YJU2B: variants seen among roughly 807,000 people sequenced by gnomAD.
YJU2B encodes YJU2 splicing factor homolog B.
YJU2B carries 18 observed loss-of-function variants against 38.0 expected under a neutral mutation model. The ratio of observed to expected loss-of-function variants is 0.47; its 90% confidence interval spans 0.33 to 0.70. YJU2B has a LOEUF of 0.70. Among genes scored for constraint, YJU2B ranks in the 30% least tolerant of loss-of-function variants. The probability of loss-of-function intolerance (pLI) is 0.02; values close to 1 mark genes in which losing one functional copy is unlikely to be tolerated. For missense variants in YJU2B, 538 were observed against 556.3 expected, an observed-to-expected ratio of 0.97 and a Z score of 0.33; for synonymous variants, 246 against 225.4, an observed-to-expected ratio of 1.09 and a Z score of -0.82.
chr19:13,738,157 G>A (rs187004591), intron 2 of YJU2B, among the ~76,000 whole-genome samples: 66 of 152,294 alleles, frequency 4.3e-4, no homozygotes, highest in Admixed American at 5.9e-4. Flanking sequence ...CCACTAATTA[G>A]TGAAGCATGA....
chr19:13,738,716 C>G (rs921624078), intron 2 of YJU2B, among the ~76,000 whole-genome samples: 3 of 151,940 alleles, frequency 2.0e-5, no homozygotes, highest in African/African-American at 7.3e-5. Context: ...ACGGTGAAAC[C>G]CCGTCTCTAC....
Position 13,751,144 on chromosome 19 carries a change from A to C in YJU2B, c.-201-464A>C, listed in dbSNP as rs140692349. Among the ~76,000 whole-genome samples, 767 of 152,110 alleles carry C rather than the reference A, an allele frequency of 5.0e-3. 6 individuals are homozygous for C. Among genetic ancestry groups the C allele is most frequent in the African/African-American group, 0.018 (736 of 41,528 alleles). On this transcript the variant is annotated intron_variant, in intron 1 of 9. Coordinates refer to ENST00000221554, the MANE Select transcript of YJU2B (RefSeq NM_030818.4). ...TCATATTAAAAGATCCCAGCTGGGCATGGTGGCTCACACCTGTAATGCCAG... is the reference window on the plus strand; with the variant it reads ...TCATATTAAAAGATCCCAGCTGGGCCTGGTGGCTCACACCTGTAATGCCAG...
Position 13,733,862 on chromosome 19 carries a change from TAAAAG to T in YJU2B, c.-202+1579_-202+1583del, listed in dbSNP as rs560390027. Among the ~76,000 whole-genome samples the T allele has an allele frequency of 2.9e-4, 44 of 152,332 alleles. 1 individual carries two copies. In the South Asian group the frequency reaches 8.7e-3, roughly 30 times the overall value. ...GAAACACTGGCCATGAGCCAAGAAT[TAAAAG>T]AGAGAAATCTGTTAGTTTTCACTAA... On this transcript the variant is annotated intron_variant, in intron 2 of 10. Transcript: ENST00000586600.
upstream of YJU2B, among the ~76,000 whole-genome samples, chr19:13,745,824 TG>T (rs567692727): frequency 4.5e-3 from 687 of 151,774 alleles, 7 homozygotes; most frequent in African/African-American, 0.016. Context: ...CCAGTTGAAG[TG>T]TCTGCTTCAT....
chr19:13,750,099 T>G (rs931973053), intron 1 of YJU2B, among the ~76,000 whole-genome samples: 5 of 152,184 alleles, frequency 3.3e-5, no homozygotes, highest in African/African-American at 1.2e-4. Context: ...GGCCTGGCAC[T>G]GTCCTAGGTG....
upstream of YJU2B, among the ~76,000 whole-genome samples, chr19:13,745,717 C>G (rs2419959): frequency 9.0e-6 from 1 of 110,618 alleles, no homozygotes; most frequent in East Asian, 2.6e-4. Flanking sequence ...ATCTATAGAT[C>G]TATAGATATC....
intron 9 of YJU2B, 49 bp from the exon 10 acceptor site, chr19:13,762,541 C>T: frequency 6.5e-7 from 1 of 1,541,300 alleles, no homozygotes; most frequent in Non-Finnish European, 8.7e-7. Context: ...GAGGGCAGTT[C>T]TGGACCCCCT....
At chr19:13,746,246 A>G (rs1484914802), upstream of YJU2B, among the ~76,000 whole-genome samples, 1 of 151,102 alleles carries the variant, frequency 6.6e-6, no homozygotes, top group African/African-American at 2.4e-5. Flanking sequence ...TGAGACTCCG[A>G]CTCAAAAAAA....
rs1973989107 is a variant in YJU2B, at chr19:13,763,174, T to C, written c.*106T>C. The stretch of plus-strand genomic sequence containing the variant: ...GCTCGCCCACCAGCCCTGGGAGAGC[T>C]CAGATGCCGCATCCTCCCCAGACCG... On this transcript the variant is annotated 3_prime_UTR_variant, in exon 10 of 10. Coordinates refer to ENST00000221554, the MANE Select transcript of YJU2B (RefSeq NM_030818.4). 1.1e-6 allele frequency: 1 copy of C among 897,472 alleles called. No homozygotes were observed. Among genetic ancestry groups the C allele is most frequent in the Non-Finnish European group, 1.7e-6 (1 of 601,294 alleles). 55.6% of individuals were successfully genotyped at this position (897,472 alleles called of 1,614,324 possible). A position where few individuals can be genotyped will look rare whatever the true frequency, so the allele number is the denominator to read the frequency against.
In YJU2B at chr19:13,762,943, C is replaced by T. The variant is rs992588151; in HGVS notation, c.1066C>T (p.Arg356Cys). 2 of 1,611,872 alleles carry T rather than the reference C, an allele frequency of 1.2e-6. No individual in the cohort carries two copies. The highest frequency in any genetic ancestry group is 1.7e-6 in the Non-Finnish European group (2 of 1,179,748). Residue 356 changes from arginine (R) to cysteine (C), a missense_variant, in exon 10 of 10, where the codon CGT (arginine) becomes TGT (cysteine). Physicochemically the swap from Arg to Cys is radical, Grantham distance 180. Coordinates refer to ENST00000221554, the MANE Select transcript of YJU2B (RefSeq NM_030818.4). ...CAGCCCGAGGGGGCAGGAAGGGAGC[C>T]GTCAGGACAAGCCCCTGTCGCCAGC... is the stretch of plus-strand genomic sequence containing the variant. The part of the protein sequence containing the change: ...CSSPRGQEGS[R>C]QDKPLSPAGS...
upstream of YJU2B, among the ~76,000 whole-genome samples, chr19:13,744,612 C>T (rs1568280195): frequency 2.0e-5 from 3 of 152,070 alleles, no homozygotes; most frequent in African/African-American, 7.2e-5. Context: ...CTTGGGGTCT[C>T]GTAAAAAAGG....
At chr19:13,745,882 GAC>G (rs940130510), upstream of YJU2B, among the ~76,000 whole-genome samples, 4 of 151,958 alleles carry the variant, frequency 2.6e-5, no homozygotes, top group African/African-American at 9.7e-5. Flanking sequence ...CCCAGGACCA[GAC>G]ATATAGCAGG....
chr19:13,739,994 G>A (rs904616288), intron 2 of YJU2B, among the ~76,000 whole-genome samples: 1 of 152,098 alleles, frequency 6.6e-6, no homozygotes, highest in South Asian at 2.1e-4. Flanking sequence ...GAGAACATGC[G>A]GTGTTTGGTT....
chr19:13,738,256 G>A (rs191082996), intron 2 of YJU2B, among the ~76,000 whole-genome samples: 13 of 152,282 alleles, frequency 8.5e-5, no homozygotes, highest in African/African-American at 3.1e-4. Flanking sequence ...CAGAAGAAGT[G>A]GAAAAGGGGA....
intron 2 of YJU2B, among the ~76,000 whole-genome samples, chr19:13,736,254 C>CTTTTTTTTT (rs60385996): frequency 1.7e-4 from 18 of 104,244 alleles, no homozygotes; most frequent in African/African-American, 3.5e-4. Context: ...TTCTTTCTTT[C>CTTTTTTTTT]TTTTTTTTTT....
At chr19:13,733,382 G>T (rs1372642142) in intron 2 of YJU2B, among the ~76,000 whole-genome samples, 2 of 152,134 alleles carry the variant, frequency 1.3e-5, no homozygotes, top group Non-Finnish European at 2.9e-5. Context: ...TGCAAAGGCT[G>T]TCCTGTGCAC....
rs762717175 is a variant in YJU2B at position 13,758,994 on chromosome 19, G to A, written c.384G>A (p.Glu128=). The change falls in exon 7 of 10, where the codon GAG becomes GAA. Residue 128 remains glutamate, a synonymous_variant. Coordinates refer to ENST00000221554, the MANE Select transcript of YJU2B (RefSeq NM_030818.4). ...KEERWDMADN[E]QVLTTEHEKK... ...AGCGCTGGGACATGGCGGACAATGA[G>A]CAGGTGCTGACCACAGGTGAGCGCC... 1.9e-6 allele frequency: 3 copies of A among 1,613,604 alleles called. No homozygotes were observed. The highest frequency in any genetic ancestry group is 3.3e-5 in the Admixed American group (2 of 59,922).
intron 2 of YJU2B, among the ~76,000 whole-genome samples, chr19:13,734,067 A>G (rs1446068802): frequency 1.3e-5 from 2 of 152,118 alleles, no homozygotes; most frequent in Non-Finnish European, 2.9e-5. Flanking sequence ...AGCTGGGACT[A>G]TAGGCATGCA....
At chr19:13,745,591 C>T (rs564928607), upstream of YJU2B, among the ~76,000 whole-genome samples, 4 of 151,206 alleles carry the variant, frequency 2.6e-5, no homozygotes, top group East Asian at 5.8e-4. Context: ...GTGGAGGTTG[C>T]GGTGAGCCAA....
Sources: gnomAD v4.1 joint callset for allele counts (sites outside exome capture counted in the v4.1 genomes callset) on GRCh38, gnomAD v4.1.1 for gene constraint, MANE v1.5 for transcripts, NCBI Gene and HGNC (gene_info 2026-07-23, HGNC 2026-07-21) for gene names.